NCOR2: variants seen among roughly 807,000 people sequenced by gnomAD.
The protein encoded by NCOR2 is CTG repeat protein 26.
A neutral mutation model predicts 262.9 loss-of-function variants in NCOR2; 81 were observed. That is an observed-to-expected ratio of 0.31 (90% CI 0.26 to 0.37). The LOEUF is 0.37. Among genes scored for constraint, NCOR2 ranks in the 10% least tolerant of loss-of-function variants. The pLI is 1.00. For synonymous variants in NCOR2, 1,659 were observed against 1,559.3 expected (o/e 1.06, Z -1.51); for missense variants, 3,385 against 3,621.4 (o/e 0.93, Z 1.68).
At chr12:124,414,029 C>T (rs190011881) in intron 13 of NCOR2, among the ~76,000 whole-genome samples, 91 of 152,236 alleles carry the variant, frequency 6.0e-4, no homozygotes, top group African/African-American at 2.1e-3. Flanking sequence ...CGACTCCCCA[C>T]TGACATGGAG....
intron 43 of NCOR2, among the ~76,000 whole-genome samples, chr12:124,331,235 G>T (rs1241402515): frequency 6.6e-6 from 1 of 151,984 alleles, no homozygotes; most frequent in Non-Finnish European, 1.5e-5. Context: ...GCTAATTTTT[G>T]TATTTTTAGT....
intron 4 of NCOR2, among the ~76,000 whole-genome samples, chr12:124,469,508 G>A (rs1184361053): frequency 6.6e-6 from 1 of 152,210 alleles, no homozygotes; most frequent in Non-Finnish European, 1.5e-5. Flanking sequence ...TCCAGCCAGG[G>A]AAGGTGGCCC....
intron 43 of NCOR2, 64 bp from the exon 46 acceptor site, chr12:124,330,962 C>T: frequency 6.6e-7 from 1 of 1,522,078 alleles, no homozygotes. Flanking sequence ...CCCTACCAGT[C>T]CCGTGTGGTC....
At chr12:124,385,148 G>A (rs1172502169) in intron 17 of NCOR2, among the ~76,000 whole-genome samples, 1 of 152,162 alleles carries the variant, frequency 6.6e-6, no homozygotes, top group East Asian at 1.9e-4. Flanking sequence ...CTGCTCCTCA[G>A]AGGCCATTTA....
In NCOR2 at chr12:124,378,649, G is replaced by C. The variant is rs11057607; in HGVS notation, c.2020-265C>G. The stretch of plus-strand genomic sequence containing the variant: ...CCACCCTGACATCCTTCCTGAGCAC[G>C]AGAGAACCTGCCTGACATTGCCCAG... On this transcript the variant is annotated intron_variant, in intron 17 of 46. Coordinates refer to ENST00000405201, the Ensembl canonical transcript of NCOR2. The surrounding 1 kb of genome is among the most constrained non-coding windows in gnomAD (Gnocchi z 4.2). Among the ~76,000 whole-genome samples the C allele has an allele frequency of 0.43, 64,664 of 152,120 alleles. 16,449 individuals carry two copies. Among genetic ancestry groups the C allele is most frequent in the Middle Eastern group, 0.57 (169 of 294 alleles).
intron 13 of NCOR2, among the ~76,000 whole-genome samples, chr12:124,417,620 C>T (rs561461279): frequency 6.6e-6 from 1 of 152,222 alleles, no homozygotes; most frequent in Admixed American, 6.5e-5. Context: ...TTCCAAATAC[C>T]TCTTGAGGCC....
chr12:124,355,705 C>G, intron 23 of NCOR2, 134 bp from the exon 26 acceptor site: 1 of 1,311,528 alleles, frequency 7.6e-7, no homozygotes. Context: ...CCTCTATTGC[C>G]CTGCCTGGCT....
At chr12:124,358,637 T>C (rs1009794115) in intron 22 of NCOR2, among the ~76,000 whole-genome samples, 7 of 152,144 alleles carry the variant, frequency 4.6e-5, no homozygotes, top group South Asian at 2.1e-4. Flanking sequence ...GACACACCAA[T>C]GGGCTCATCT....
chr12:124,332,341 G>A (rs747292908), exon 43 of NCOR2: 40 of 1,614,064 alleles, frequency 2.5e-5, no homozygotes, highest in Non-Finnish European at 3.3e-5. Context: ...CATTCCGGTT[G>A]TGGGTGTTCA....
At chr12:124,536,808 G>A (rs139495900), upstream of NCOR2, among the ~76,000 whole-genome samples, 294 of 152,330 alleles carry the variant, frequency 1.9e-3, 2 homozygotes, top group African/African-American at 6.6e-3. Flanking sequence ...CTAGGACTTT[G>A]TCAGACAGAC....
rs1204441037 is a variant in NCOR2 at position 124,549,173 on chromosome 12, A to G, written c.-164-13562T>C. On this transcript the variant is annotated intron_variant, in intron 1 of 32. Transcript: ENST00000458234. The surrounding 1 kb of genome is among the most constrained non-coding windows in gnomAD (Gnocchi z 4.4). ...TCTGAGCCTTCGCTGCTTGCCTGGCAATGATGATGGTTGCTGGGTCACGAG... is the reference window on the plus strand; with the variant it reads ...TCTGAGCCTTCGCTGCTTGCCTGGCGATGATGATGGTTGCTGGGTCACGAG... 5.3e-5 allele frequency among the ~76,000 whole-genome samples: 8 copies of G among 152,042 alleles called. No homozygotes were observed. Among genetic ancestry groups the G allele is most frequent in the African/African-American group, 1.9e-4 (8 of 41,396 alleles).
chr12:124,388,454 A>C (rs1469182114), intron 16 of NCOR2, among the ~76,000 whole-genome samples: 2 of 152,104 alleles, frequency 1.3e-5, no homozygotes, highest in Non-Finnish European at 2.9e-5. Context: ...AGCATCACAG[A>C]CCTTCCCAGG....
At chr12:124,533,179 T>A (rs1395502885) in intron 1 of NCOR2, among the ~76,000 whole-genome samples, 1 of 150,998 alleles carries the variant, frequency 6.6e-6, no homozygotes, top group African/African-American at 2.4e-5. Context: ...AGGAAGCAGA[T>A]GACCTGCAGG....
chr12:124,346,609 C>T, exon 31 of NCOR2: 1 of 1,589,366 alleles, frequency 6.3e-7, no homozygotes, highest in Non-Finnish European at 8.5e-7. Context: ...CCAGGGGCAG[C>T]TCGGGCGTGT....
At chr12:124,368,034 G>A (rs548758267) in intron 20 of NCOR2, among the ~76,000 whole-genome samples, 7 of 152,202 alleles carry the variant, frequency 4.6e-5, no homozygotes, top group Non-Finnish European at 1.0e-4. Flanking sequence ...TATGTGTCTG[G>A]GAGGGGCCCC....
chr12:124,531,048 C>T lies in NCOR2; in HGVS notation c.-118+4517G>A, dbSNP rs1297155954. On this transcript the variant is annotated intron_variant, in intron 1 of 46. Transcript: ENST00000404621. This position sits in a 1 kb window ranked among gnomAD's most constrained non-coding sequence, Gnocchi z 4.5. The stretch of plus-strand genomic sequence containing the variant: ...CCGGACAGGACACGGTTCCTGGGCT[C>T]CACCCAACCCGCCTCTCCCAGGGAA... Among the ~76,000 whole-genome samples, 1 of 152,176 alleles carries T rather than the reference C, an allele frequency of 6.6e-6. No individual in the cohort carries two copies. Among genetic ancestry groups the T allele is most frequent in the Non-Finnish European group, 1.5e-5 (1 of 68,024 alleles).
intron 1 of NCOR2, among the ~76,000 whole-genome samples, chr12:124,487,756 A>C (rs1009819567): frequency 1.3e-5 from 2 of 152,204 alleles, no homozygotes; most frequent in Non-Finnish European, 2.9e-5. Flanking sequence ...CAAGAGTCCA[A>C]ATACTTGTTT....
chr12:124,398,032 A>C (rs2041788475), intron 16 of NCOR2, 87 bp downstream of exon 18: 1 of 1,523,924 alleles, frequency 6.6e-7, no homozygotes, highest in East Asian at 2.3e-5. Context: ...GCTCAAGGCC[A>C]AATGTGTCAA....
intron 1 of NCOR2, among the ~76,000 whole-genome samples, chr12:124,561,608 G>A (rs1053700377): frequency 6.6e-6 from 1 of 152,182 alleles, no homozygotes; most frequent in Non-Finnish European, 1.5e-5. Context: ...GAGACAGACG[G>A]CAGGGAGAAC....
Sources: allele counts gnomAD v4.1 joint callset (sites outside exome capture counted in the v4.1 genomes callset), GRCh38; gene constraint gnomAD v4.1.1; non-coding constraint Gnocchi (gnomAD v3.1); transcripts MANE v1.5; gene names NCBI Gene and HGNC (gene_info 2026-07-23, HGNC 2026-07-21).